PIGL: variants seen among roughly 807,000 people sequenced by gnomAD.
PIGL encodes N-acetylglucosaminyl-phosphatidylinositol de-N-acetylase.
In PIGL, 22 loss-of-function variants were observed where a neutral mutation model predicts 31.1. That is an observed-to-expected ratio of 0.71 (90% confidence interval 0.51 to 1.01). The LOEUF (loss-of-function observed/expected upper bound fraction) is 1.01, where lower values mean the gene tolerates loss of function less well. Ranked by LOEUF, PIGL falls within the 50% of genes least tolerant of loss-of-function variation. The pLI is 0.00. For synonymous variants in PIGL, 131 were observed against 117.4 expected, an observed-to-expected ratio of 1.12 and a Z score of -0.75; for missense variants, 302 against 315.9, an observed-to-expected ratio of 0.96 and a Z score of 0.33.
intron 6 of PIGL, among the ~76,000 whole-genome samples, chr17:16,324,721 T>C (rs1449365392): frequency 1.3e-5 from 2 of 152,322 alleles, no homozygotes; most frequent in African/African-American, 4.8e-5. Flanking sequence ...TGTGAAGATA[T>C]TAGCTTAGAG....
intron 1 of PIGL, among the ~76,000 whole-genome samples, chr17:16,232,128 A>C (rs1382686069): frequency 6.6e-6 from 1 of 152,038 alleles, no homozygotes; most frequent in Non-Finnish European, 1.5e-5. Flanking sequence ...AAATACAAAA[A>C]TTAGCCAGGC....
chr17:16,223,747 C>A (rs899707111), intron 1 of PIGL, among the ~76,000 whole-genome samples: 3 of 151,800 alleles, frequency 2.0e-5, no homozygotes, highest in Admixed American at 1.3e-4. Context: ...AAAGCTCATT[C>A]TGGTGGCAAT....
chr17:16,231,067 C>CT lies in PIGL; in HGVS notation c.236-2882dup, dbSNP rs59390439. Among the ~76,000 whole-genome samples, 109 of 96,518 alleles carry CT rather than the reference C, an allele frequency of 1.1e-3. 1 individual carries two copies. The highest frequency in any genetic ancestry group is 2.2e-3 in the African/African-American group (51 of 23,002). 63.3% of individuals were successfully genotyped at this position (96,518 alleles called of 152,430 possible). ...GGTTTTTTTTTTGGTTTTGGTTTTT[C>CT]TTTTTTTTTTTTTTTTTTTTTTGGT... On this transcript the variant is annotated intron_variant, in intron 1 of 6. Transcript: ENST00000225609.
At chr17:16,321,268 T>G (rs1325913017) in intron 6 of PIGL, among the ~76,000 whole-genome samples, 2 of 149,452 alleles carry the variant, frequency 1.3e-5, no homozygotes, top group African/African-American at 5.0e-5. Flanking sequence ...TAGATGTAGT[T>G]TCGCTCTTGT....
chr17:16,290,659 C>A (rs563444906), intron 2 of PIGL, among the ~76,000 whole-genome samples: 89 of 152,278 alleles, frequency 5.8e-4, no homozygotes, highest in African/African-American at 2.1e-3. Context: ...CCTAGGATTA[C>A]AGGCATGAGC....
chr17:16,317,028 A>C, intron 5 of PIGL: 4 of 1,132,614 alleles, frequency 3.5e-6, no homozygotes, highest in Non-Finnish European at 3.3e-6. Context: ...CCCCCAACCA[A>C]TTAGGCAGGT....
At chr17:16,262,002 C>A (rs2092821084) in intron 2 of PIGL, among the ~76,000 whole-genome samples, 1 of 150,726 alleles carries the variant, frequency 6.6e-6, no homozygotes, top group East Asian at 2.0e-4. Context: ...GCCGGCAGAT[C>A]ACTTGAAGCC....
At chr17:16,276,431 T>A (rs7212903) in intron 2 of PIGL, among the ~76,000 whole-genome samples, 6,485 of 152,264 alleles carry the variant, frequency 0.043, 456 homozygotes, top group African/African-American at 0.15. Context: ...ACTTAAAAAC[T>A]ACTGATAAGA....
At chr17:16,227,583 T>C (rs923589523) in intron 1 of PIGL, among the ~76,000 whole-genome samples, 17 of 144,352 alleles carry the variant, frequency 1.2e-4, no homozygotes, top group East Asian at 7.8e-4. Context: ...CTTTTCTTTT[T>C]TTTTTTTTTT....
At chr17:16,227,177 C>T (rs1388935970) in intron 1 of PIGL, among the ~76,000 whole-genome samples, 2 of 151,728 alleles carry the variant, frequency 1.3e-5, no homozygotes, top group African/African-American at 2.4e-5. Context: ...GGCACGATCT[C>T]GGCTCACTGC....
At chr17:16,241,148 A>G (rs1600763903) in intron 2 of PIGL, among the ~76,000 whole-genome samples, 1 of 149,160 alleles carries the variant, frequency 6.7e-6, no homozygotes, top group Non-Finnish European at 1.5e-5. Flanking sequence ...AAGTGGCAGG[A>G]ATTCAACGAA....
chr17:16,321,381 C>T (rs1024214293), intron 6 of PIGL, among the ~76,000 whole-genome samples: 3 of 151,760 alleles, frequency 2.0e-5, no homozygotes, highest in Non-Finnish European at 4.4e-5. Context: ...GCTGGGATTA[C>T]AGGCATGGGC....
chr17:16,262,817 T>C (rs2092824518), intron 2 of PIGL, among the ~76,000 whole-genome samples: 2 of 152,192 alleles, frequency 1.3e-5, no homozygotes, highest in East Asian at 1.9e-4. Flanking sequence ...ACAACCAAAA[T>C]GTTTGTCACT....
At chr17:16,281,648 G>A (rs747374354) in intron 2 of PIGL, among the ~76,000 whole-genome samples, 1 of 152,196 alleles carries the variant, frequency 6.6e-6, no homozygotes, top group Non-Finnish European at 1.5e-5. Flanking sequence ...CCTGGTAGGC[G>A]TGTATATTTT....
intron 2 of PIGL, among the ~76,000 whole-genome samples, chr17:16,250,208 G>A (rs1284442355): frequency 2.0e-5 from 3 of 152,066 alleles, no homozygotes; most frequent in African/African-American, 7.2e-5. Flanking sequence ...CCTTTGTCTT[G>A]CGAAGTGCTG....
In PIGL at chr17:16,313,681, G is replaced by C. The variant is rs1359820695; in HGVS notation, c.494+67G>C. 2.2e-5 allele frequency: 28 copies of C among 1,252,120 alleles called. No homozygotes were observed. In the Middle Eastern group the frequency reaches 7.7e-4, roughly 34 times the overall value. The allele number at this position is 1,252,120 out of a possible 1,614,324, so 77.6% of individuals were successfully genotyped here. On this transcript the variant is annotated intron_variant, in intron 4 of 6. Coordinates refer to ENST00000225609, the MANE Select transcript of PIGL (RefSeq NM_004278.4). ...ATTTGATTAGGGCTCATGGTTTAAAGTCTAAAGCACTTTCCCACTTGTTAT... is the reference window on the plus strand; with the variant it reads ...ATTTGATTAGGGCTCATGGTTTAAACTCTAAAGCACTTTCCCACTTGTTAT...
chr17:16,247,075 G>T (rs543678975), intron 2 of PIGL, among the ~76,000 whole-genome samples: 4 of 152,068 alleles, frequency 2.6e-5, no homozygotes, highest in Non-Finnish European at 4.4e-5. Flanking sequence ...TCACATGCTG[G>T]AAAGAGATTC....
At chr17:16,259,226 T>C (rs1040667756) in intron 2 of PIGL, among the ~76,000 whole-genome samples, 1 of 152,164 alleles carries the variant, frequency 6.6e-6, no homozygotes, top group Non-Finnish European at 1.5e-5. Context: ...TTGTTGCTTT[T>C]TTTCTTTCTT....
intron 2 of PIGL, among the ~76,000 whole-genome samples, chr17:16,294,620 C>T (rs765752963): frequency 6.6e-6 from 1 of 152,212 alleles, no homozygotes; most frequent in Admixed American, 6.5e-5. Flanking sequence ...CCATTGAACA[C>T]CTGCTGTGAG....
Sources: allele counts gnomAD v4.1 joint callset (sites outside exome capture counted in the v4.1 genomes callset), GRCh38; gene constraint gnomAD v4.1.1; transcripts MANE v1.5; gene names NCBI Gene and HGNC (gene_info 2026-07-23, HGNC 2026-07-21).